GOLGB1: variants seen among roughly 807,000 people sequenced by gnomAD.
GOLGB1 encodes the protein golgin B1, also known as golgin subfamily B member 1.
Under a neutral mutation model 336.9 loss-of-function variants are expected in GOLGB1, and 174 were observed. The ratio of observed to expected loss-of-function variants is 0.52; its 90% CI spans 0.46 to 0.59. The LOEUF is 0.59. Among genes scored for constraint, GOLGB1 ranks in the 20% least tolerant of loss-of-function variants. The pLI, the probability that GOLGB1 is intolerant of heterozygous loss-of-function variation, is 0.00. For missense variants in GOLGB1, 3,331 were observed against 3,645.3 expected (o/e 0.91, Z 2.22); for synonymous variants, 1,208 against 1,289.2 (o/e 0.94, Z 1.35).
intron 1 of GOLGB1, among the ~76,000 whole-genome samples, chr3:121,732,386 C>A (rs1053384545): frequency 3.3e-5 from 5 of 152,080 alleles, no homozygotes; most frequent in African/African-American, 9.7e-5. Flanking sequence ...CTAGCATTGC[C>A]CTAATACTAA....
chr3:121,682,743 G>T (rs2107678626), intron 14 of GOLGB1, among the ~76,000 whole-genome samples: 1 of 152,160 alleles, frequency 6.6e-6, no homozygotes, highest in Admixed American at 6.5e-5. Flanking sequence ...TAAAATAATA[G>T]CATTTTTTAA....
chr3:121,701,596 A>C (rs553923777), intron 11 of GOLGB1, among the ~76,000 whole-genome samples: 2 of 152,170 alleles, frequency 1.3e-5, no homozygotes, highest in African/African-American at 2.4e-5. Context: ...ACGCTACTAA[A>C]TCCATAAAGT....
At chr3:121,736,646 T>G (rs2108350714) in intron 1 of GOLGB1, among the ~76,000 whole-genome samples, 1 of 152,338 alleles carries the variant, frequency 6.6e-6, no homozygotes, top group South Asian at 2.1e-4. Context: ...CTCACGCCTG[T>G]AATCCTGGCA....
At chr3:121,720,370 C>A (rs1945102040) in intron 6 of GOLGB1, among the ~76,000 whole-genome samples, 1 of 152,186 alleles carries the variant, frequency 6.6e-6, no homozygotes, top group Non-Finnish European at 1.5e-5. Flanking sequence ...AGATCATGCT[C>A]ATTTTTAACT....
intron 10 of GOLGB1, among the ~76,000 whole-genome samples, chr3:121,710,703 T>C (rs1944280957): frequency 6.6e-6 from 1 of 151,194 alleles, no homozygotes; most frequent in Non-Finnish European, 1.5e-5. Context: ...AACAAACACA[T>C]AAAAATAGCC....
At chr3:121,744,450 A>T (rs1474135841) in intron 1 of GOLGB1, among the ~76,000 whole-genome samples, 1 of 150,406 alleles carries the variant, frequency 6.6e-6, no homozygotes, top group Non-Finnish European at 1.5e-5. Context: ...ACAAAAAAAA[A>T]AAAAAAAAAA....
chr3:121,723,937 C>G (rs1945368027), intron 5 of GOLGB1, among the ~76,000 whole-genome samples: 1 of 152,090 alleles, frequency 6.6e-6, no homozygotes, highest in Admixed American at 6.6e-5. Context: ...AACAGAGTAG[C>G]CCCCACTAGC....
chr3:121,678,189 C>G (rs1380672205), intron 15 of GOLGB1, among the ~76,000 whole-genome samples: 1 of 152,142 alleles, frequency 6.6e-6, no homozygotes, highest in Non-Finnish European at 1.5e-5. Flanking sequence ...ATGCAATGAG[C>G]TTGATAAATG....
At chr3:121,743,698 G>A (rs1245711826) in intron 1 of GOLGB1, among the ~76,000 whole-genome samples, 1 of 151,928 alleles carries the variant, frequency 6.6e-6, no homozygotes, top group East Asian at 1.9e-4. Context: ...TATAAAATAA[G>A]TCACCAATGC....
intron 11 of GOLGB1, among the ~76,000 whole-genome samples, chr3:121,701,844 G>T (rs1328958502): frequency 6.6e-6 from 1 of 152,026 alleles, no homozygotes; most frequent in Non-Finnish European, 1.5e-5. Context: ...TAGTAAAAAA[G>T]ACAAACATAT....
At chr3:121,747,415 G>GTA (rs1405573074) in intron 1 of GOLGB1, among the ~76,000 whole-genome samples, 6 of 143,260 alleles carry the variant, frequency 4.2e-5, no homozygotes, top group Non-Finnish European at 7.6e-5. Flanking sequence ...GTATATATAT[G>GTA]TATATATATA....
At chr3:121,683,053 A>C (rs1203373759) in intron 14 of GOLGB1, among the ~76,000 whole-genome samples, 1 of 82,496 alleles carries the variant, frequency 1.2e-5, no homozygotes. Flanking sequence ...ATTTCTTTTA[A>C]TTTTTTTTTT....
intron 15 of GOLGB1, among the ~76,000 whole-genome samples, chr3:121,678,216 T>A (rs936731703): frequency 1.3e-5 from 2 of 152,198 alleles, no homozygotes; most frequent in Non-Finnish European, 2.9e-5. Flanking sequence ...TATAATCAAG[T>A]CCATAAAGAT....
chr3:121,721,920 T>C (rs1223374770), intron 6 of GOLGB1, among the ~76,000 whole-genome samples: 1 of 152,220 alleles, frequency 6.6e-6, no homozygotes, highest in African/African-American at 2.4e-5. Context: ...TGGTCTCTTT[T>C]GAACTCAGCA....
chr3:121,696,964 C>T lies in GOLGB1; in HGVS notation c.3559G>A (p.Glu1187Lys). Residue 1187 changes from glutamate to lysine, a missense_variant, in exon 13 of 22, where the codon GAA (glutamate) becomes AAA (lysine). By Grantham distance (56) the Glu-to-Lys change is moderately conservative. Transcript: ENST00000614479. ...ATTGCCTTGCGGGAGGTTAAGGCTT[C>T]CTGTAGCTTCTTTTGAAGTTGCTCC... is the stretch of plus-strand genomic sequence containing the variant. ...EKEQLQKKLQ[E>K]ALTSRKAILK... is the part of the protein sequence containing the mutation. The T allele has an allele frequency of 6.2e-7, 1 of 1,614,050 alleles. No homozygotes were observed. Among genetic ancestry groups the T allele is most frequent in the Non-Finnish European group, 8.5e-7 (1 of 1,179,984 alleles).
chr3:121,730,143 C>G, intron 2 of GOLGB1, 126 bp from the exon 3 acceptor site: 2 of 613,284 alleles, frequency 3.3e-6, no homozygotes, highest in South Asian at 4.2e-5. Flanking sequence ...GAATCTAACT[C>G]TGATCCAATA....
In GOLGB1 at chr3:121,702,481, C is replaced by A; in HGVS notation, c.1519G>T (p.Glu507Ter). The stretch of plus-strand genomic sequence containing the variant: ...AATTATGGTTTTCTTTTATACATAC[C>A]ATTCTCAGCTTTCAGCTCCTCCAGC... ...IELEELKAEN[E>*]KLSSQITLLE... Residue 507 changes from glutamate to a stop codon, truncating the protein, a stop_gained and splice_region_variant, in exon 11 of 22, where the codon GAA becomes TAA. Transcript: ENST00000614479. LOFTEE classifies it high-confidence loss of function. 7.1e-7 allele frequency: 1 copy of A among 1,406,660 alleles called. No individual in the cohort carries two copies. The highest frequency in any genetic ancestry group is 1.5e-5 in the South Asian group (1 of 66,802). 87.1% of individuals were successfully genotyped at this position (1,406,660 alleles called of 1,614,324 possible).
chr3:121,690,737 G>T lies in GOLGB1; in HGVS notation c.8627C>A (p.Thr2876Asn). 6.4e-7 allele frequency: 1 copy of T among 1,550,870 alleles called. No individual in the cohort carries two copies. The change falls in exon 14 of 22, where the codon ACC (threonine) becomes AAC (asparagine). Residue 2876 changes from threonine (T) to asparagine (N), a missense_variant. Transcript: ENST00000614479. ...GKQRSAAQPS[T>N]SPAEVQSLKK... Reference sequence around the variant, plus strand: ...TAAACTCTGTACTTCAGCTGGGCTGGTGGAAGGCTGAGCTGCAGACCTCTG... The same window carrying T: ...TAAACTCTGTACTTCAGCTGGGCTGTTGGAAGGCTGAGCTGCAGACCTCTG...
At chr3:121,710,874 A>C (rs1944306353) in intron 10 of GOLGB1, among the ~76,000 whole-genome samples, 1 of 138,630 alleles carries the variant, frequency 7.2e-6, no homozygotes, top group Non-Finnish European at 1.6e-5. Flanking sequence ...AAATAAGTAA[A>C]ATTTTAAAAA....
Sources: gnomAD v4.1 joint callset for allele counts (sites outside exome capture counted in the v4.1 genomes callset) on GRCh38, gnomAD v4.1.1 for gene constraint, MANE v1.5 for transcripts, NCBI Gene and HGNC (gene_info 2026-07-23, HGNC 2026-07-21) for gene names.